The following ZNF469 variants were observed in gnomAD, a reference collection of about 807,000 sequenced individuals.
ZNF469 encodes the protein zinc finger protein 469.
A neutral mutation model predicts 1.0 loss-of-function variants in ZNF469; 1 was observed. That is an observed-to-expected ratio of 1.00 (90% confidence interval 0.35 to 4.73). ZNF469 has a LOEUF of 4.73. ZNF469 is among the 30% of genes most tolerant of loss of function. The pLI is 0.16. For missense variants in ZNF469, 6,100 were observed against 5,356.3 expected (o/e 1.14, Z -4.33); for synonymous variants, 2,703 against 2,363.4 (o/e 1.14, Z -4.17).
chr16:88,201,682 G>A, the ZNF469 span, among the ~76,000 whole-genome samples: 1,074 of 152,234 alleles, frequency 7.1e-3, 17 homozygotes, highest in African/African-American at 0.024. The surrounding 1 kb of genome is among the most constrained non-coding windows in gnomAD (Gnocchi z 5.0). Flanking sequence ...GGGTGAGGCC[G>A]CACCTGCCCA....
chr16:88,113,590 C>T, the ZNF469 span, among the ~76,000 whole-genome samples: 1 of 152,182 alleles, frequency 6.6e-6, no homozygotes, highest in African/African-American at 2.4e-5. Flanking sequence ...TGGGGAAGGC[C>T]ATGCTTTTTG....
chr16:88,402,930 A>C (rs12103059), intron 1 of ZNF469, among the ~76,000 whole-genome samples: 57,880 of 151,848 alleles, frequency 0.38, 11,136 homozygotes, highest in Non-Finnish European at 0.4. Flanking sequence ...GAGAACCCCC[A>C]CGCCGGGAAC....
the ZNF469 span, among the ~76,000 whole-genome samples, chr16:88,128,823 C>T: frequency 6.6e-6 from 1 of 152,238 alleles, no homozygotes; most frequent in Non-Finnish European, 1.5e-5. Flanking sequence ...CTCTGCTCAC[C>T]TGGGCCGGGA....
chr16:88,337,568 G>A, the ZNF469 span, among the ~76,000 whole-genome samples: 1 of 152,180 alleles, frequency 6.6e-6, no homozygotes, highest in African/African-American at 2.4e-5. Context: ...CAGGGTCCCA[G>A]CGTCACTCTC....
intron 1 of ZNF469, among the ~76,000 whole-genome samples, chr16:88,395,649 T>C (rs536779009): frequency 3.3e-5 from 5 of 152,096 alleles, no homozygotes; most frequent in African/African-American, 1.2e-4. Flanking sequence ...TATAATGTTA[T>C]AATTCCCACC....
In ZNF469 at chr16:88,437,930, G is replaced by C; in HGVS notation, c.10460G>C (p.Gly3487Ala). 6.5e-7 allele frequency: 1 copy of C among 1,540,958 alleles called. No homozygotes were observed. Among genetic ancestry groups the C allele is most frequent in the South Asian group, 1.2e-5 (1 of 83,898 alleles). Residue 3487 changes from glycine to alanine, a missense_variant, in exon 3 of 3, where the codon GGC (glycine) becomes GCC (alanine). Transcript: ENST00000565624. ...VAMPGSAPGP[G>A]EDRPPPRGSS... ...ATGCCCGGCAGTGCCCCTGGGCCCG[G>C]CGAGGACAGGCCTCCTCCCCGGGGA... is the stretch of plus-strand genomic sequence containing the variant.
At position 88,430,648 on chromosome 16, in the gene ZNF469, A is replaced by G; in HGVS notation, c.3178A>G (p.Arg1060Gly). The part of the protein sequence containing the change: ...LILKIVQQKN[R>G]RHRRLGRRAG... ...TCTGAAGATCGTGCAGCAGAAGAAC[A>G]GGCGCCACCGGCGGCTGGGGCGGCG... The change falls in exon 3 of 3, where the codon AGG (arginine) becomes GGG (glycine). Residue 1060 changes from arginine to glycine, a missense_variant. Transcript: ENST00000565624. 6.7e-7 allele frequency: 1 copy of G among 1,494,588 alleles called. No homozygotes were observed. The highest frequency in any genetic ancestry group is 1.3e-5 in the South Asian group (1 of 79,588). 92.6% of individuals were successfully genotyped at this position (1,494,588 alleles called of 1,614,324 possible).
chr16:88,366,711 C>G, the ZNF469 span, among the ~76,000 whole-genome samples: 349 of 151,762 alleles, frequency 2.3e-3, 2 homozygotes, highest in African/African-American at 7.8e-3. Context: ...CCATCACCAT[C>G]ATCATCACCA....
chr16:88,123,942 T>G, the ZNF469 span, among the ~76,000 whole-genome samples: 1 of 152,200 alleles, frequency 6.6e-6, no homozygotes, highest in Admixed American at 6.5e-5. Flanking sequence ...TAGCTGGGAT[T>G]ACAGGCATGT....
At chr16:88,188,477 G>A in the ZNF469 span, among the ~76,000 whole-genome samples, 7 of 152,196 alleles carry the variant, frequency 4.6e-5, no homozygotes, top group Admixed American at 6.5e-5. Context: ...CTTACAGCAT[G>A]CAGGAAGGGC....
the ZNF469 span, among the ~76,000 whole-genome samples, chr16:88,213,934 C>G: frequency 6.6e-6 from 1 of 152,172 alleles, no homozygotes; most frequent in Non-Finnish European, 1.5e-5. Flanking sequence ...GATCATTTAA[C>G]ATTTATATTA....
At chr16:88,239,662 TTTTTGTATATATATATATATATA>T in the ZNF469 span, among the ~76,000 whole-genome samples, 90 of 95,402 alleles carry the variant, frequency 9.4e-4, 1 homozygote, top group African/African-American at 3.4e-3. Flanking sequence ...TTATTTTTTT[TTTTTGTATATATATATATATATA>T]TATATATATA....
At position 88,437,028 on chromosome 16, in the gene ZNF469, C is replaced by A; in HGVS notation, c.9558C>A (p.Asp3186Glu). The A allele has an allele frequency of 6.5e-7, 1 of 1,530,388 alleles. No homozygotes were observed. Among genetic ancestry groups the A allele is most frequent in the Non-Finnish European group, 8.8e-7 (1 of 1,140,726 alleles). The allele number at this position is 1,530,388 out of a possible 1,614,324, so 94.8% of individuals were successfully genotyped here. A position where few individuals can be genotyped will look rare whatever the true frequency, so the allele number is the denominator to read the frequency against. Residue 3186 changes from aspartate to glutamate, a missense_variant, in exon 3 of 3, where the codon GAC becomes GAA. Transcript: ENST00000565624. ...GCATGTGCCTGAAGGAGGTGGCCGA[C>A]GTCTGGATGTACAACGAGCACCTGC... ...ACGMCLKEVA[D>E]VWMYNEHLRE... is the part of the protein sequence containing the mutation.
chr16:88,200,860 C>T, the ZNF469 span, among the ~76,000 whole-genome samples: 2 of 152,274 alleles, frequency 1.3e-5, no homozygotes, highest in Non-Finnish European at 2.9e-5. Flanking sequence ...CCCCGCCCTC[C>T]CACTCAGGTC....
chr16:88,204,345 C>A, the ZNF469 span, among the ~76,000 whole-genome samples: 1 of 152,212 alleles, frequency 6.6e-6, no homozygotes, highest in Non-Finnish European at 1.5e-5. Context: ...CTAGGGTACC[C>A]CAGGCCTTGT....
At chr16:88,149,109 A>G in the ZNF469 span, among the ~76,000 whole-genome samples, 1 of 149,524 alleles carries the variant, frequency 6.7e-6, no homozygotes. Flanking sequence ...GTCATTGTTC[A>G]GAGTCAGAAG....
At chr16:88,144,486 A>C in the ZNF469 span, among the ~76,000 whole-genome samples, 1 of 152,214 alleles carries the variant, frequency 6.6e-6, no homozygotes, top group Non-Finnish European at 1.5e-5. Context: ...CAGCCACCCC[A>C]GCCCGTGACA....
At chr16:88,401,672 TG>T (rs1567501688) in intron 1 of ZNF469, among the ~76,000 whole-genome samples, 2 of 140,424 alleles carry the variant, frequency 1.4e-5, no homozygotes, top group Admixed American at 7.1e-5. Flanking sequence ...GATGGATGGG[TG>T]AGTGCATGGA....
At chr16:88,382,662 C>T (rs988998384), upstream of ZNF469, among the ~76,000 whole-genome samples, 1 of 152,210 alleles carries the variant, frequency 6.6e-6, no homozygotes, top group Admixed American at 6.5e-5. Context: ...AGCTGGAGCG[C>T]AGGCCAGGGA....
Sources: allele counts gnomAD v4.1 joint callset (sites outside exome capture counted in the v4.1 genomes callset), GRCh38; gene constraint gnomAD v4.1.1; non-coding constraint Gnocchi (gnomAD v3.1); transcripts MANE v1.5; gene names NCBI Gene and HGNC (gene_info 2026-07-23, HGNC 2026-07-21).